Variants in CNTN5 observed in about 807,000 individuals in gnomAD.
CNTN5 encodes the protein contactin 5, also known as contactin-5.
In CNTN5, 77 loss-of-function variants were observed where a neutral mutation model predicts 129.1. That is an observed-to-expected ratio of 0.60 (90% CI 0.50 to 0.72). CNTN5 has a LOEUF of 0.72. Ranked by LOEUF, CNTN5 falls within the 30% of genes least tolerant of loss-of-function variation. The pLI, the probability that CNTN5 is intolerant of heterozygous loss-of-function variation, is 0.00. For synonymous variants in CNTN5, 509 were observed against 465.6 expected, an observed-to-expected ratio of 1.09 and a Z score of -1.20; for missense variants, 1,478 against 1,328.8, an observed-to-expected ratio of 1.11 and a Z score of -1.75.
At chr11:99,418,555 T>C (rs1158745566) in intron 2 of CNTN5, among the ~76,000 whole-genome samples, 5 of 152,216 alleles carry the variant, frequency 3.3e-5, no homozygotes, top group Non-Finnish European at 5.9e-5. Flanking sequence ...GATCTTTAGC[T>C]AAAATTACTT....
chr11:100,053,625 A>C (rs535229034), intron 9 of CNTN5, among the ~76,000 whole-genome samples: 1 of 151,878 alleles, frequency 6.6e-6, no homozygotes, highest in East Asian at 1.9e-4. Flanking sequence ...GTTGGTAGAC[A>C]TGTTAAATTA....
chr11:100,064,161 A>T lies in CNTN5; in HGVS notation c.1162+2768A>T, dbSNP rs922534299. On this transcript the variant is annotated intron_variant, in intron 10 of 24. Transcript: ENST00000524871. Reference sequence around the variant, plus strand: ...GGGATTCTATCTGTTAGAAGTACAGACTACCCATTTTATCCAAACAGTCAG... The same window carrying T: ...GGGATTCTATCTGTTAGAAGTACAGTCTACCCATTTTATCCAAACAGTCAG... Among the ~76,000 whole-genome samples, 3 of 152,182 alleles carry T rather than the reference A, an allele frequency of 2.0e-5. No individual in the cohort carries two copies. In the South Asian group the frequency reaches 6.2e-4, roughly 32 times the overall value.
chr11:99,480,599 T>C (rs1945556846), intron 2 of CNTN5, among the ~76,000 whole-genome samples: 1 of 152,220 alleles, frequency 6.6e-6, no homozygotes, highest in Admixed American at 6.5e-5. Flanking sequence ...TGAGATTCAC[T>C]ATATGTTTAT....
rs148151046 is a variant in CNTN5 at position 100,280,220 on chromosome 11, G to C, written c.2314+8979G>C. ...TGGTCCACATTGTAAATTAAATCCA[G>C]TGTTTCTTTGTTGATTTTCTGTCTG... On this transcript the variant is annotated intron_variant, in intron 18 of 24. Transcript: ENST00000524871. Among the ~76,000 whole-genome samples, 620 of 151,986 alleles carry C rather than the reference G, an allele frequency of 4.1e-3. 9 individuals carry two copies. The highest frequency in any genetic ancestry group is 0.015 in the African/African-American group (605 of 41,524).
intron 9 of CNTN5, among the ~76,000 whole-genome samples, chr11:100,037,125 T>C (rs1412785653): frequency 6.6e-6 from 1 of 151,292 alleles, no homozygotes; most frequent in East Asian, 1.9e-4. Flanking sequence ...TAGCTTTTAT[T>C]ATTTTGAGAT....
intron 6 of CNTN5, among the ~76,000 whole-genome samples, chr11:99,881,459 C>G (rs1948769611): frequency 6.6e-6 from 1 of 152,104 alleles, no homozygotes; most frequent in Non-Finnish European, 1.5e-5. Flanking sequence ...TGAGAAAAGT[C>G]ACTTTGATTC....
chr11:99,640,166 C>T (rs1229421764), intron 3 of CNTN5, among the ~76,000 whole-genome samples: 1 of 152,180 alleles, frequency 6.6e-6, no homozygotes, highest in Non-Finnish European at 1.5e-5. Context: ...TCTGAGCCCT[C>T]CAAACTGTTC....
At chr11:99,281,350 T>A (rs995105467) in intron 1 of CNTN5, among the ~76,000 whole-genome samples, 5 of 151,992 alleles carry the variant, frequency 3.3e-5, no homozygotes, top group African/African-American at 1.2e-4. Context: ...CTGCCAGATC[T>A]AGAGTGAGGC....
intron 8 of CNTN5, among the ~76,000 whole-genome samples, chr11:99,984,756 T>C (rs1003996955): frequency 1.3e-5 from 2 of 152,180 alleles, no homozygotes; most frequent in Non-Finnish European, 2.9e-5. Flanking sequence ...TCCTATTACA[T>C]GGAATGTTGC....
At chr11:99,515,355 A>G (rs545166975) in intron 2 of CNTN5, among the ~76,000 whole-genome samples, 1 of 152,204 alleles carries the variant, frequency 6.6e-6, no homozygotes, top group African/African-American at 2.4e-5. Flanking sequence ...TTCCTGCTAG[A>G]GAAAAATGAC....
intron 4 of CNTN5, among the ~76,000 whole-genome samples, chr11:99,839,490 G>T (rs2135665119): frequency 6.6e-6 from 1 of 152,178 alleles, no homozygotes; most frequent in East Asian, 1.9e-4. Context: ...GGAGGCAAGA[G>T]ATTGAGAAAC....
intron 1 of CNTN5, among the ~76,000 whole-genome samples, chr11:99,130,726 C>T (rs1313775560): frequency 6.6e-6 from 1 of 152,104 alleles, no homozygotes; most frequent in Non-Finnish European, 1.5e-5. Context: ...ACACTCCTCA[C>T]CAAATGCAAA....
intron 3 of CNTN5, among the ~76,000 whole-genome samples, chr11:99,690,825 G>T (rs1197035740): frequency 1.3e-5 from 2 of 151,580 alleles, no homozygotes; most frequent in Non-Finnish European, 3.0e-5. Flanking sequence ...AATAGTTTCA[G>T]TAGAAATGAT....
At chr11:99,523,545 A>G (rs1448462723) in intron 2 of CNTN5, among the ~76,000 whole-genome samples, 15 of 152,064 alleles carry the variant, frequency 9.9e-5, no homozygotes, top group Non-Finnish European at 5.9e-5. Context: ...CTGTGAGCAA[A>G]GGTCACTGCA....
chr11:100,348,530 T>G (rs758894797), intron 23 of CNTN5, among the ~76,000 whole-genome samples: 1 of 152,038 alleles, frequency 6.6e-6, no homozygotes, highest in Non-Finnish European at 1.5e-5. Flanking sequence ...CTGGATGTAT[T>G]TTTCTTTGTC....
intron 3 of CNTN5, among the ~76,000 whole-genome samples, chr11:99,652,544 T>G (rs888666882): frequency 6.6e-6 from 1 of 151,976 alleles, no homozygotes; most frequent in Admixed American, 6.6e-5. Flanking sequence ...CCAGAGTGAT[T>G]TATTTGAATC....
intron 6 of CNTN5, among the ~76,000 whole-genome samples, chr11:99,897,747 A>G (rs1430085044): frequency 6.6e-6 from 1 of 152,204 alleles, no homozygotes; most frequent in Non-Finnish European, 1.5e-5. Flanking sequence ...TTAAAACTCC[A>G]AAACAACTAG....
intron 8 of CNTN5, among the ~76,000 whole-genome samples, chr11:99,997,436 T>C (rs556130560): frequency 3.0e-4 from 46 of 152,144 alleles, no homozygotes; most frequent in African/African-American, 1.0e-3. Context: ...ACACATACAC[T>C]CTCCCAAGAC....
At position 99,556,213 on chromosome 11, in the gene CNTN5, G is replaced by A. The variant is rs375458505; in HGVS notation, c.-2G>A. ...AGACACAGAAGATTCTAGTGACTGA[G>A]GATGGCTTCCTCTTGGAAACTAATG... On this transcript the variant is annotated 5_prime_UTR_variant, in exon 3 of 25. Transcript: ENST00000524871. 923 of 1,511,312 alleles carry A rather than the reference G, an allele frequency of 6.1e-4. 3 individuals are homozygous for A. Among genetic ancestry groups the A allele is most frequent in the Middle Eastern group, 5.3e-3 (31 of 5,864 alleles). The allele number at this position is 1,511,312 out of a possible 1,614,324, so 93.6% of individuals were successfully genotyped here.
Sources: allele counts gnomAD v4.1 joint callset (sites outside exome capture counted in the v4.1 genomes callset), GRCh38; gene constraint gnomAD v4.1.1; transcripts MANE v1.5; gene names NCBI Gene and HGNC (gene_info 2026-07-23, HGNC 2026-07-21).